The following CNTNAP2 variants were observed in gnomAD, a reference collection of about 807,000 sequenced individuals.
CNTNAP2 encodes the protein contactin-associated protein-like 2.
In CNTNAP2, 98 loss-of-function variants were observed where a neutral mutation model predicts 155.2. The observed-to-expected ratio is 0.63, with a 90% confidence interval of 0.54 to 0.75. The LOEUF is 0.75. Ranked by LOEUF, CNTNAP2 falls within the 30% of genes least tolerant of loss-of-function variation. The pLI is 0.00. For missense variants in CNTNAP2, 1,727 were observed against 1,688.1 expected (o/e 1.02, Z -0.40); for synonymous variants, 651 against 631.2 (o/e 1.03, Z -0.47).
rs74862469 is a variant in CNTNAP2 at position 148,277,160 on chromosome 7, G to A, written c.3475+10034G>A. 2.9e-3 allele frequency among the ~76,000 whole-genome samples: 444 copies of A among 152,244 alleles called. 1 individual carries two copies. Among genetic ancestry groups the A allele is most frequent in the Middle Eastern group, 6.8e-3 (2 of 294 alleles). ...CTAGCTTTAGCATTCTAATGATACC[G>A]TGGGCAGGGAGAGACCTGGATGCAT... On this transcript the variant is annotated intron_variant, in intron 21 of 23. Coordinates refer to ENST00000361727, the MANE Select transcript of CNTNAP2 (RefSeq NM_014141.6).
At chr7:147,596,115 C>T (rs553763327) in intron 12 of CNTNAP2, among the ~76,000 whole-genome samples, 28 of 152,160 alleles carry the variant, frequency 1.8e-4, no homozygotes, top group Admixed American at 1.6e-3. Flanking sequence ...CTCAGGCATC[C>T]CCAATCTGAC....
intron 10 of CNTNAP2, among the ~76,000 whole-genome samples, chr7:147,448,435 T>A (rs909385109): frequency 6.6e-6 from 1 of 151,302 alleles, no homozygotes; most frequent in Non-Finnish European, 1.5e-5. Context: ...GGGTGCTACA[T>A]AAACATTAAT....
chr7:146,486,592 C>T (rs543550614), intron 1 of CNTNAP2, among the ~76,000 whole-genome samples: 4 of 152,114 alleles, frequency 2.6e-5, no homozygotes, highest in Non-Finnish European at 5.9e-5. Context: ...TTGGGTAAGT[C>T]ACCATCAGGC....
chr7:146,586,815 G>A (rs1047096063), intron 1 of CNTNAP2, among the ~76,000 whole-genome samples: 13 of 152,126 alleles, frequency 8.5e-5, no homozygotes, highest in African/African-American at 2.9e-4. Flanking sequence ...ATTTGACCCG[G>A]CTGGATCTTA....
At chr7:146,151,733 A>T (rs1798056415) in intron 1 of CNTNAP2, among the ~76,000 whole-genome samples, 1 of 131,840 alleles carries the variant, frequency 7.6e-6, no homozygotes, top group Non-Finnish European at 1.6e-5. Context: ...TATATGCGCA[A>T]TGGAATACTA....
intron 1 of CNTNAP2, among the ~76,000 whole-genome samples, chr7:146,541,405 C>T (rs1797951290): frequency 6.6e-6 from 1 of 151,950 alleles, no homozygotes; most frequent in South Asian, 2.1e-4. Context: ...TTACTTTGGA[C>T]AAAGATCTTT....
At chr7:146,760,977 G>A (rs1802087465) in intron 1 of CNTNAP2, among the ~76,000 whole-genome samples, 1 of 152,066 alleles carries the variant, frequency 6.6e-6, no homozygotes, top group Admixed American at 6.6e-5. Flanking sequence ...AACATAATAG[G>A]TATCCAATAC....
chr7:146,850,899 T>G (rs1794866410), intron 3 of CNTNAP2, among the ~76,000 whole-genome samples: 1 of 152,256 alleles, frequency 6.6e-6, no homozygotes, highest in Admixed American at 6.5e-5. Context: ...CAGCCATTCC[T>G]TTCACAGGCA....
At chr7:146,842,490 C>T (rs910623727) in intron 3 of CNTNAP2, among the ~76,000 whole-genome samples, 2 of 152,042 alleles carry the variant, frequency 1.3e-5, no homozygotes, top group Non-Finnish European at 2.9e-5. Context: ...TCTGTTCTTG[C>T]ACTGCTGTTA....
intron 8 of CNTNAP2, among the ~76,000 whole-genome samples, chr7:147,296,366 G>A (rs1402736326): frequency 6.6e-6 from 1 of 152,196 alleles, no homozygotes; most frequent in Non-Finnish European, 1.5e-5. Flanking sequence ...AATACCCAAA[G>A]GGACCCACTT....
In CNTNAP2 at chr7:146,181,421, A is replaced by G. The variant is rs73160699; in HGVS notation, c.97+64448A>G. Among the ~76,000 whole-genome samples, 932 of 152,276 alleles carry G rather than the reference A, an allele frequency of 6.1e-3. 8 individuals are homozygous for G. Among genetic ancestry groups the G allele is most frequent in the Non-Finnish European group, 9.2e-3 (623 of 68,020 alleles). Reference sequence around the variant, plus strand: ...TAACATGCCATGATAAATTTTTATTATTATTTCTAATAAGAGTAGCACAAG... The same window carrying G: ...TAACATGCCATGATAAATTTTTATTGTTATTTCTAATAAGAGTAGCACAAG... On this transcript the variant is annotated intron_variant, in intron 1 of 23. Transcript: ENST00000361727.
intron 10 of CNTNAP2, among the ~76,000 whole-genome samples, chr7:147,480,311 C>T (rs1798398757): frequency 6.6e-6 from 1 of 152,070 alleles, no homozygotes; most frequent in South Asian, 2.1e-4. Flanking sequence ...CTATCAGTAA[C>T]CTAGAAGCAG....
At chr7:146,552,743 C>A (rs544078073) in intron 1 of CNTNAP2, among the ~76,000 whole-genome samples, 1 of 152,170 alleles carries the variant, frequency 6.6e-6, no homozygotes, top group East Asian at 1.9e-4. Context: ...TTTGACTCTT[C>A]CCCTCTGCTC....
Position 148,049,057 on chromosome 7 carries a change from C to CA in CNTNAP2, c.2384-69053dup, listed in dbSNP as rs572458618. The stretch of plus-strand genomic sequence containing the variant: ...TGAAACCCCATCTCTACTAAAAATA[C>CA]AAAAAAAATTAGCCAGGTGTAGTGG... On this transcript the variant is annotated intron_variant, in intron 15 of 23. Transcript: ENST00000361727. Among the ~76,000 whole-genome samples, 143 of 151,676 alleles carry CA rather than the reference C, an allele frequency of 9.4e-4. 1 individual carries two copies. Among genetic ancestry groups the CA allele is most frequent in the South Asian group, 4.4e-3 (21 of 4,784 alleles).
chr7:147,556,479 T>A (rs1799954335), intron 11 of CNTNAP2, among the ~76,000 whole-genome samples: 1 of 152,156 alleles, frequency 6.6e-6, no homozygotes, highest in African/African-American at 2.4e-5. Flanking sequence ...TTGAGGAGAT[T>A]ATCCTGGATT....
chr7:146,966,113 C>G (rs748132793), intron 3 of CNTNAP2, among the ~76,000 whole-genome samples: 1 of 152,120 alleles, frequency 6.6e-6, no homozygotes, highest in Non-Finnish European at 1.5e-5. Context: ...ATAATGGAAA[C>G]GTAAATTATT....
chr7:148,005,479 C>A (rs1801959363), intron 15 of CNTNAP2, among the ~76,000 whole-genome samples: 1 of 152,016 alleles, frequency 6.6e-6, no homozygotes, highest in Admixed American at 6.6e-5. Flanking sequence ...GCATCTCATA[C>A]AGGGTAAACA....
chr7:148,107,483 C>G (rs901987046), intron 15 of CNTNAP2, among the ~76,000 whole-genome samples: 12 of 152,196 alleles, frequency 7.9e-5, no homozygotes, highest in African/African-American at 2.9e-4. Flanking sequence ...GAGTGGCTGA[C>G]TCAAACCCAT....
chr7:147,280,430 A>G (rs1057229790), intron 8 of CNTNAP2, among the ~76,000 whole-genome samples: 1 of 151,762 alleles, frequency 6.6e-6, no homozygotes, highest in Non-Finnish European at 1.5e-5. Context: ...TAAAATGCAA[A>G]CTCGTTTACG....
Sources: allele counts gnomAD v4.1 joint callset (sites outside exome capture counted in the v4.1 genomes callset), GRCh38; gene constraint gnomAD v4.1.1; transcripts MANE v1.5; gene names NCBI Gene and HGNC (gene_info 2026-07-23, HGNC 2026-07-21).